Variants in MSR1 observed in about 807,000 individuals in gnomAD.
MSR1 encodes macrophage scavenger receptor 1, also known as macrophage scavenger receptor types I and II.
Under a neutral mutation model 47.2 loss-of-function variants are expected in MSR1, and 53 were observed. The ratio of observed to expected loss-of-function variants is 1.12; its 90% confidence interval spans 0.90 to 1.41. The LOEUF (loss-of-function observed/expected upper bound fraction) is 1.41, where lower values mean the gene tolerates loss of function less well. MSR1 is among the 40% of genes most tolerant of loss of function. The pLI, the probability that MSR1 is intolerant of heterozygous loss-of-function variation, is 0.00. For synonymous variants in MSR1, 239 were observed against 185.6 expected (o/e 1.29, Z -2.34); for missense variants, 786 against 546.9 (o/e 1.44, Z -4.36).
chr8:16,174,260 T>C (rs910143709), intron 3 of MSR1, among the ~76,000 whole-genome samples: 7 of 152,060 alleles, frequency 4.6e-5, no homozygotes, highest in African/African-American at 1.4e-4. Flanking sequence ...TTTTTTGTTG[T>C]TGTTGTTAAA....
At chr8:16,124,708 T>C (rs1025343557) in intron 8 of MSR1, among the ~76,000 whole-genome samples, 1 of 152,104 alleles carries the variant, frequency 6.6e-6, no homozygotes, top group African/African-American at 2.4e-5. Flanking sequence ...TGCAGTAAAC[T>C]TGTTTGTTTT....
intron 3 of MSR1, among the ~76,000 whole-genome samples, chr8:16,172,026 T>C (rs1801501277): frequency 6.6e-6 from 1 of 152,194 alleles, no homozygotes; most frequent in Non-Finnish European, 1.5e-5. Context: ...TCAAGATGTG[T>C]GATTCAGGTA....
chr8:16,188,802 G>A (rs573520209), intron 1 of MSR1, among the ~76,000 whole-genome samples: 5 of 151,856 alleles, frequency 3.3e-5, no homozygotes, highest in South Asian at 4.2e-4. Context: ...GAGAATGATG[G>A]TTTCCAGCTT....
At chr8:16,124,161 C>A (rs1800075383) in intron 8 of MSR1, among the ~76,000 whole-genome samples, 1 of 152,142 alleles carries the variant, frequency 6.6e-6, no homozygotes, top group South Asian at 2.1e-4. Context: ...CAAATGCCCA[C>A]CTGTGGACTG....
chr8:16,139,658 T>C (rs1315174971), intron 8 of MSR1: 1 of 975,088 alleles, frequency 1.0e-6, no homozygotes, highest in Non-Finnish European at 1.2e-6. Context: ...AATATTTTTG[T>C]TTGAAATGAC....
intron 8 of MSR1, among the ~76,000 whole-genome samples, chr8:16,141,700 T>C (rs1800560984): frequency 1.3e-5 from 2 of 152,088 alleles, no homozygotes. Flanking sequence ...GTGCATAAAC[T>C]CCAAAATAGC....
intron 8 of MSR1, among the ~76,000 whole-genome samples, chr8:16,141,319 G>C (rs1381321195): frequency 3.3e-5 from 5 of 152,094 alleles, no homozygotes; most frequent in Admixed American, 3.3e-4. Flanking sequence ...ATTCCCACAA[G>C]ATTACATGTG....
chr8:16,112,144 C>G (rs1221379035), intron 9 of MSR1, among the ~76,000 whole-genome samples: 1 of 152,126 alleles, frequency 6.6e-6, no homozygotes, highest in Admixed American at 6.5e-5. Context: ...TCTGAGGACA[C>G]ATGGATGTGA....
At chr8:16,187,743 G>A (rs991924200) in intron 1 of MSR1, among the ~76,000 whole-genome samples, 3 of 152,136 alleles carry the variant, frequency 2.0e-5, no homozygotes, top group African/African-American at 7.2e-5. Context: ...GTTCACTAAA[G>A]TAGGGATTTT....
At chr8:16,168,423 T>C (rs1801379045) in intron 4 of MSR1, 35 bp downstream of exon 4, 1 of 1,611,356 alleles carries the variant, frequency 6.2e-7, no homozygotes, top group South Asian at 1.1e-5. Context: ...TGGATTCAGT[T>C]CCAGCAAGTG....
intron 1 of MSR1, among the ~76,000 whole-genome samples, chr8:16,185,861 A>C (rs1801982365): frequency 6.6e-6 from 1 of 151,564 alleles, no homozygotes; most frequent in African/African-American, 2.4e-5. Flanking sequence ...AAAAAAAAAA[A>C]CACCACACAC....
chr8:16,152,686 A>G (rs1800893609), intron 6 of MSR1, among the ~76,000 whole-genome samples: 1 of 152,070 alleles, frequency 6.6e-6, no homozygotes, highest in Admixed American at 6.6e-5. Flanking sequence ...TCCTTTAGAA[A>G]AGAAAGTTGC....
At chr8:16,126,710 G>C (rs1800136777) in intron 8 of MSR1, among the ~76,000 whole-genome samples, 1 of 152,150 alleles carries the variant, frequency 6.6e-6, no homozygotes, top group African/African-American at 2.4e-5. Context: ...TTGGGACAGA[G>C]TCAAGAGGAG....
At chr8:16,176,587 T>C (rs1274699431) in intron 2 of MSR1, among the ~76,000 whole-genome samples, 4 of 151,414 alleles carry the variant, frequency 2.6e-5, no homozygotes, top group South Asian at 2.1e-4. Context: ...GAACCCATAA[T>C]AGAAGCAAGT....
intron 8 of MSR1, among the ~76,000 whole-genome samples, chr8:16,131,304 C>G (rs78732394): frequency 0.02 from 2,975 of 152,144 alleles, 71 homozygotes; most frequent in Middle Eastern, 0.082. Flanking sequence ...ATTGTCTGTT[C>G]ATGTCCTTTG....
At chr8:16,131,417 A>G (rs1183509750) in intron 8 of MSR1, among the ~76,000 whole-genome samples, 1 of 106,548 alleles carries the variant, frequency 9.4e-6, no homozygotes, top group Admixed American at 8.9e-5. Flanking sequence ...CTCCCATTCT[A>G]TGTATCTGTT....
At chr8:16,117,182 C>T (rs941020098) in intron 9 of MSR1, among the ~76,000 whole-genome samples, 4 of 152,136 alleles carry the variant, frequency 2.6e-5, no homozygotes, top group Admixed American at 2.6e-4. Context: ...CTATCACTCA[C>T]ATTACCGCCT....
At chr8:16,144,654 A>G (rs13248242) in intron 7 of MSR1, among the ~76,000 whole-genome samples, 1 of 152,122 alleles carries the variant, frequency 6.6e-6, no homozygotes, top group African/African-American at 2.4e-5. Flanking sequence ...TTTCTGAGCT[A>G]AAGTTTATTC....
chr8:16,166,930 C>G (rs886461637), intron 4 of MSR1, among the ~76,000 whole-genome samples: 1 of 108,806 alleles, frequency 9.2e-6, no homozygotes, highest in South Asian at 3.6e-4. Flanking sequence ...TCAGTGTACA[C>G]AGGAGTACAC....
Sources: allele counts gnomAD v4.1 joint callset (sites outside exome capture counted in the v4.1 genomes callset), GRCh38; gene constraint gnomAD v4.1.1; transcripts MANE v1.5; gene names NCBI Gene and HGNC (gene_info 2026-07-23, HGNC 2026-07-21).